PCDH11X: variants seen among roughly 807,000 people sequenced by gnomAD.
PCDH11X encodes the protein protocadherin 11 X-linked.
A neutral mutation model predicts 53.3 loss-of-function variants in PCDH11X; 18 were observed. That is an observed-to-expected ratio of 0.34 (90% CI 0.23 to 0.50). PCDH11X has a LOEUF of 0.50. Among genes scored for constraint, PCDH11X ranks in the 20% least tolerant of loss-of-function variants. The pLI, the probability that PCDH11X is intolerant of heterozygous loss-of-function variation, is 0.98. For missense variants in PCDH11X, 570 were observed against 1,032.4 expected (o/e 0.55, Z 6.14); for synonymous variants, 279 against 393.3 (o/e 0.71, Z 3.44).
chrX:91,941,742 T>C (rs1407977139), intron 6 of PCDH11X, among the ~76,000 whole-genome samples: 1 of 110,439 alleles, frequency 9.1e-6, no homozygotes, highest in Non-Finnish European at 1.9e-5. Flanking sequence ...CACTCAATGA[T>C]AGCCGAATAC....
intron 5 of PCDH11X, among the ~76,000 whole-genome samples, chrX:91,846,714 C>T (rs1937691991): frequency 9.0e-6 from 1 of 111,083 alleles, no homozygotes; most frequent in African/African-American, 3.3e-5. Flanking sequence ...TGTTAAGTTT[C>T]CTTAAATTTG....
chrX:92,495,177 G>A (rs1016648112), intron 10 of PCDH11X, among the ~76,000 whole-genome samples: 2 of 110,372 alleles, frequency 1.8e-5, no homozygotes, highest in African/African-American at 3.3e-5. Context: ...CAACTCAAGC[G>A]AATTGCTTAG....
At chrX:92,261,645 AT>A (rs2076197067) in intron 7 of PCDH11X, among the ~76,000 whole-genome samples, 1 of 91,360 alleles carries the variant, frequency 1.1e-5, no homozygotes, top group African/African-American at 6.0e-5. Flanking sequence ...CTAAAAAAAA[AT>A]CTTTTGTGTT....
intron 6 of PCDH11X, among the ~76,000 whole-genome samples, chrX:92,059,247 A>T (rs965721199): frequency 1.8e-5 from 2 of 110,000 alleles, no homozygotes; most frequent in African/African-American, 6.6e-5. Flanking sequence ...TGTGACAGAA[A>T]ACCTAACTAT....
intron 5 of PCDH11X, among the ~76,000 whole-genome samples, chrX:91,853,752 G>A (rs947886338): frequency 9.9e-5 from 11 of 111,233 alleles, no homozygotes; most frequent in Non-Finnish European, 1.5e-4. Context: ...AATTACAAGC[G>A]TTTTTTAAGC....
intron 10 of PCDH11X, among the ~76,000 whole-genome samples, chrX:92,484,221 A>G (rs1179453083): frequency 4.3e-5 from 4 of 93,071 alleles, no homozygotes; most frequent in Non-Finnish European, 4.1e-5. Context: ...ATATATGTAT[A>G]TATGTATATA....
intron 7 of PCDH11X, among the ~76,000 whole-genome samples, chrX:92,214,175 T>C (rs1445795599): frequency 8.9e-6 from 1 of 111,944 alleles, no homozygotes; most frequent in East Asian, 2.8e-4. Flanking sequence ...CAGGAATAGG[T>C]GAGGCCAGAG....
chrX:92,154,779 G>A (rs928151211), intron 6 of PCDH11X, among the ~76,000 whole-genome samples: 1 of 102,698 alleles, frequency 9.7e-6, no homozygotes, highest in Non-Finnish European at 2.0e-5. Flanking sequence ...TCCGGTCACC[G>A]AGCGGCCCGA....
At chrX:92,067,126 G>A (rs899592589) in intron 6 of PCDH11X, among the ~76,000 whole-genome samples, 4 of 111,312 alleles carry the variant, frequency 3.6e-5, no homozygotes, top group Non-Finnish European at 7.5e-5. Flanking sequence ...ATAATTAAAA[G>A]TAAAAATAAA....
intron 8 of PCDH11X, among the ~76,000 whole-genome samples, chrX:92,343,773 A>T (rs946213737): frequency 9.0e-6 from 1 of 111,327 alleles, no homozygotes; most frequent in African/African-American, 3.3e-5. Context: ...TACCCACCTC[A>T]ATAGCATTCA....
At position 91,963,890 on chromosome X, in the gene PCDH11X, C is replaced by G. The variant is rs748163636; in HGVS notation, c.3033+84617C>G. On this transcript the variant is annotated intron_variant, in intron 6 of 10. Coordinates refer to ENST00000682573, the MANE Select transcript of PCDH11X (RefSeq NM_032968.5). Reference sequence around the variant, plus strand: ...AAGTGCCAAGCGAAACAAGGAAAAGCCCCTTATAAAACCATCAGATCTTGT... The same window carrying G: ...AAGTGCCAAGCGAAACAAGGAAAAGGCCCTTATAAAACCATCAGATCTTGT... Among the ~76,000 whole-genome samples the G allele has an allele frequency of 4.6e-5, 5 of 109,816 alleles. No homozygotes were observed. In the East Asian group the frequency reaches 1.4e-3, roughly 31 times the overall value.
intron 6 of PCDH11X, among the ~76,000 whole-genome samples, chrX:92,185,623 A>G (rs1490185450): frequency 1.8e-5 from 2 of 111,681 alleles, no homozygotes; most frequent in African/African-American, 3.3e-5. Context: ...ACAAGAGATT[A>G]ATATCCAGAA....
intron 4 of PCDH11X, among the ~76,000 whole-genome samples, chrX:91,828,638 C>T (rs1465726786): frequency 9.0e-6 from 1 of 111,208 alleles, no homozygotes; most frequent in Non-Finnish European, 1.9e-5. Context: ...GCTGAGGCAT[C>T]TGTTATTAGG....
chrX:92,519,855 A>G (rs2074336853), intron 10 of PCDH11X, among the ~76,000 whole-genome samples: 1 of 108,763 alleles, frequency 9.2e-6, no homozygotes, highest in Admixed American at 1.0e-4. Flanking sequence ...AGGGTTTCTG[A>G]CCAAAGATAA....
chrX:92,606,232 C>CAAAAAAAAAAAAAAAA (rs61522182), intron 10 of PCDH11X, among the ~76,000 whole-genome samples: 3 of 32,836 alleles, frequency 9.1e-5, no homozygotes, highest in Admixed American at 6.3e-4. Flanking sequence ...AATTCCGTCT[C>CAAAAAAAAAAAAAAAA]AAAAAAAAAA....
intron 10 of PCDH11X, among the ~76,000 whole-genome samples, chrX:92,528,483 G>A (rs1294590310): frequency 1.8e-5 from 2 of 110,634 alleles, no homozygotes; most frequent in African/African-American, 6.6e-5. Flanking sequence ...AGTAGAGAGG[G>A]GGTTTCTGCA....
chrX:92,183,177 A>G (rs2066025732), intron 6 of PCDH11X, among the ~76,000 whole-genome samples: 1 of 109,880 alleles, frequency 9.1e-6, no homozygotes, highest in African/African-American at 3.3e-5. Context: ...CTCTTGGATT[A>G]CTAGTTTCCA....
chrX:91,936,913 A>G (rs2061451571), intron 6 of PCDH11X, among the ~76,000 whole-genome samples: 1 of 107,255 alleles, frequency 9.3e-6, no homozygotes, highest in African/African-American at 3.3e-5. Context: ...AATTTTAAAT[A>G]TATGTTATTG....
chrX:92,422,558 T>G (rs1355675399), intron 9 of PCDH11X, among the ~76,000 whole-genome samples: 8 of 111,627 alleles, frequency 7.2e-5, no homozygotes, highest in Admixed American at 2.9e-4. Context: ...ACTGGTTGAT[T>G]GATGGGCATT....
Sources: gnomAD v4.1 joint callset for allele counts (sites outside exome capture counted in the v4.1 genomes callset) on GRCh38, gnomAD v4.1.1 for gene constraint, MANE v1.5 for transcripts, NCBI Gene and HGNC (gene_info 2026-07-23, HGNC 2026-07-21) for gene names.